Variants in MINDY4B observed in about 807,000 individuals in gnomAD.
MINDY4B encodes the protein MINDY family member 4B, also known as inactive ubiquitin carboxyl-terminal hydrolase MINDY-4B.
Under a neutral mutation model 16.7 loss-of-function variants are expected in MINDY4B, and 25 were observed. That is an observed-to-expected ratio of 1.49 (90% confidence interval 1.09 to 2.09). The LOEUF is 2.09. MINDY4B is among the 30% of genes most tolerant of loss of function. The probability of loss-of-function intolerance (pLI) is 0.00; values close to 1 mark genes in which losing one functional copy is unlikely to be tolerated. For missense variants in MINDY4B, 327 were observed against 168.4 expected, an observed-to-expected ratio of 1.94 and a Z score of -5.21; for synonymous variants, 132 against 61.9, an observed-to-expected ratio of 2.13 and a Z score of -5.32.
Position 150,883,697 on chromosome 3 carries a change from C to T in MINDY4B, c.897+3G>A, listed in dbSNP as rs1711561148. 1.4e-6 allele frequency: 1 copy of T among 702,668 alleles called. No homozygotes were observed. Among genetic ancestry groups the T allele is most frequent in the South Asian group, 1.5e-5 (1 of 67,596 alleles). The allele number at this position is 702,668 out of a possible 1,614,324, so 43.5% of individuals were successfully genotyped here. The stretch of plus-strand genomic sequence containing the variant: ...AATAGAAAGGCAGAGTCTTCCAGCT[C>T]ACCTGCCTGCACAGAAAGCCTCCAG... On this transcript the variant is annotated splice_donor_region_variant and intron_variant, in intron 9 of 11. Coordinates refer to ENST00000465419, the MANE Select transcript of MINDY4B (RefSeq NM_001351281.2).
chr3:150,877,410 A>G (rs931070995), intron 10 of MINDY4B, among the ~76,000 whole-genome samples: 1 of 152,308 alleles, frequency 6.6e-6, no homozygotes, highest in East Asian at 1.9e-4. Flanking sequence ...TAGTGGCTGC[A>G]GGGGTCTCCA....
intron 3 of MINDY4B, among the ~76,000 whole-genome samples, chr3:150,900,074 C>T (rs1390050062): frequency 6.6e-6 from 1 of 152,164 alleles, no homozygotes; most frequent in African/African-American, 2.4e-5. Context: ...GAAGGAAGGT[C>T]ATTAGGTGGG....
chr3:150,875,548 A>T (rs1452495262), intron 10 of MINDY4B, among the ~76,000 whole-genome samples: 1 of 152,228 alleles, frequency 6.6e-6, no homozygotes, highest in Non-Finnish European at 1.5e-5. Context: ...TCAGATAAAC[A>T]TACTCTGCCA....
chr3:150,871,665 A>T (rs1050584951), intron 11 of MINDY4B, among the ~76,000 whole-genome samples: 18 of 152,178 alleles, frequency 1.2e-4, no homozygotes, highest in Non-Finnish European at 2.1e-4. Flanking sequence ...CCTGGCCAGC[A>T]TGGTGAAACC....
chr3:150,885,852 A>G (rs1299807251), intron 7 of MINDY4B, among the ~76,000 whole-genome samples: 1 of 151,846 alleles, frequency 6.6e-6, no homozygotes, highest in African/African-American at 2.4e-5. Context: ...GCTTTGTAGA[A>G]CTCGCTTTGG....
chr3:150,883,032 T>C lies in MINDY4B; in HGVS notation c.924A>G (p.Gly308=), dbSNP rs1276928837. The change falls in exon 10 of 12, where the codon GGA becomes GGG. Residue 308 remains glycine (G), a synonymous_variant. Coordinates refer to ENST00000465419, the MANE Select transcript of MINDY4B (RefSeq NM_001351281.2). ...CATTGAAGACATTGGGACTTGCTCT[T>C]CCAGTTAAAATCATGTTCAGAACTG... ...RQAVLNMILT[G]RASPNVFNGC... is the part of the protein sequence containing the mutation. 1.4e-6 allele frequency: 1 copy of C among 701,884 alleles called. No homozygotes were observed. The highest frequency in any genetic ancestry group is 1.7e-5 in the African/African-American group (1 of 57,214). 43.5% of individuals were successfully genotyped at this position (701,884 alleles called of 1,614,324 possible).
chr3:150,898,399 C>T (rs1712031544), intron 3 of MINDY4B, among the ~76,000 whole-genome samples: 1 of 152,232 alleles, frequency 6.6e-6, no homozygotes, highest in Admixed American at 6.5e-5. Context: ...CCACCTCCAA[C>T]TTAGAAGCTT....
intron 8 of MINDY4B, 139 bp downstream of exon 8, chr3:150,885,229 C>T (rs1711591456): frequency 9.9e-6 from 6 of 605,314 alleles, no homozygotes; most frequent in South Asian, 2.0e-5. Flanking sequence ...TAGGAAAGGA[C>T]GTGTCAACAA....
intron 3 of MINDY4B, among the ~76,000 whole-genome samples, chr3:150,902,365 GT>G (rs1712136577): frequency 6.6e-6 from 1 of 152,206 alleles, no homozygotes; most frequent in East Asian, 1.9e-4. Flanking sequence ...TAATGTGGAG[GT>G]TTAGAAGATA....
In MINDY4B at chr3:150,871,162, T is replaced by G. The variant is rs965452606; in HGVS notation, c.1266A>C (p.Arg422Ser). 3 of 702,810 alleles carry G rather than the reference T, an allele frequency of 4.3e-6. No homozygotes were observed. Among genetic ancestry groups the G allele is most frequent in the Admixed American group, 2.0e-5 (1 of 50,014 alleles). The allele number at this position is 702,810 out of a possible 1,614,324, so 43.5% of individuals were successfully genotyped here. The change falls in exon 12 of 12, where the codon AGA (arginine) becomes AGC (serine). Residue 422 changes from arginine (R) to serine (S), a missense_variant. Transcript: ENST00000465419. ...GTCCATGTTTCTCTTCCTGTTGGTC[T>G]CTTTCCCAGTGATGGGAGTGAGTAT... is the stretch of plus-strand genomic sequence containing the variant. ...TIDTHSHHWE[R>S]DQQEEKHGPR...
chr3:150,894,288 C>T lies in MINDY4B; in HGVS notation c.327G>A (p.Leu109=), dbSNP rs1559968077. The T allele has an allele frequency of 1.4e-6, 1 of 696,908 alleles. No individual in the cohort carries two copies. The highest frequency in any genetic ancestry group is 1.5e-5 in the South Asian group (1 of 66,056). 43.2% of individuals were successfully genotyped at this position (696,908 alleles called of 1,614,324 possible). The stretch of plus-strand genomic sequence containing the variant: ...TAAAGACATGGACTGTGTTTCCAAA[C>T]AGGATCTGCCGCAGCTTCTGAAAAG... ...LAMATKLRQI[L]FGNTVHVFSY... Residue 109 remains leucine, a synonymous_variant, in exon 4 of 12, where the codon CTG becomes CTA. Transcript: ENST00000465419.
Position 150,873,198 on chromosome 3 carries a change from C to T in MINDY4B, c.1229G>A (p.Arg410His), listed in dbSNP as rs1015257605. 4.6e-5 allele frequency: 32 copies of T among 702,884 alleles called. No homozygotes were observed. Among genetic ancestry groups the T allele is most frequent in the African/African-American group, 1.7e-4 (10 of 57,314 alleles). The allele number at this position is 702,884 out of a possible 1,614,324, so 43.5% of individuals were successfully genotyped here. The change falls in exon 11 of 12, where the codon CGT becomes CAT. Residue 410 changes from arginine to histidine, a missense_variant. Transcript: ENST00000465419. The part of the protein sequence containing the change: ...SGQPSQKKLV[R>H]LTIDTHSHHW... ...TCTGAAATGCTCACCTATTGTAAGACGCACAAGCTTTTTCTGTGAGGGTTG... is the reference window on the plus strand; with the variant it reads ...TCTGAAATGCTCACCTATTGTAAGATGCACAAGCTTTTTCTGTGAGGGTTG...
chr3:150,902,540 G>T (rs1294316561), intron 3 of MINDY4B, among the ~76,000 whole-genome samples: 1 of 152,092 alleles, frequency 6.6e-6, no homozygotes, highest in Non-Finnish European at 1.5e-5. Context: ...GCATCTTTTT[G>T]ACCATGACAG....
chr3:150,896,711 A>G (rs1322599214), intron 3 of MINDY4B, among the ~76,000 whole-genome samples: 1 of 152,170 alleles, frequency 6.6e-6, no homozygotes, highest in Non-Finnish European at 1.5e-5. Flanking sequence ...TTGCCTGCAC[A>G]AAAGTCCTGT....
intron 7 of MINDY4B, among the ~76,000 whole-genome samples, chr3:150,889,226 A>G (rs1168520096): frequency 6.6e-6 from 1 of 152,264 alleles, no homozygotes; most frequent in Non-Finnish European, 1.5e-5. Flanking sequence ...TCAAGATGTC[A>G]GCAGGGCAGC....
At chr3:150,893,302 G>A (rs1354477299) in intron 5 of MINDY4B, 22 bp downstream of exon 5, 1 of 702,582 alleles carries the variant, frequency 1.4e-6, no homozygotes. Context: ...GGTAATTCAA[G>A]TACTTCTCAC....
intron 8 of MINDY4B, 140 bp from the exon 9 acceptor site, chr3:150,883,912 C>T (rs1711565944): frequency 1.6e-6 from 1 of 612,394 alleles, no homozygotes; most frequent in Non-Finnish European, 2.9e-6. Flanking sequence ...TTCCATCTCT[C>T]ACAGGGAAAG....
At chr3:150,883,599 C>A in intron 9 of MINDY4B, 101 bp downstream of exon 9, 2 of 653,148 alleles carry the variant, frequency 3.1e-6, no homozygotes, top group Non-Finnish European at 2.8e-6. Context: ...AGAAAACAAT[C>A]CAAAATTCAG....
intron 10 of MINDY4B, among the ~76,000 whole-genome samples, chr3:150,875,720 T>C (rs1711496313): frequency 6.6e-6 from 1 of 152,214 alleles, no homozygotes; most frequent in South Asian, 2.1e-4. Context: ...GCTCTCATAG[T>C]GAGCAAGCAG....
Sources: allele counts gnomAD v4.1 joint callset (sites outside exome capture counted in the v4.1 genomes callset), GRCh38; gene constraint gnomAD v4.1.1; transcripts MANE v1.5; gene names NCBI Gene and HGNC (gene_info 2026-07-23, HGNC 2026-07-21).